HGF: variants seen among roughly 807,000 people sequenced by gnomAD.
HGF encodes hepatocyte growth factor, also known as fibroblast-derived tumor cytotoxic factor.
Under a neutral mutation model 111.6 loss-of-function variants are expected in HGF, and 39 were observed. The ratio of observed to expected loss-of-function variants is 0.35; its 90% CI spans 0.27 to 0.46. HGF has a LOEUF of 0.46. Among genes scored for constraint, HGF ranks in the 20% least tolerant of loss-of-function variants. The probability of loss-of-function intolerance (pLI) is 1.00; values close to 1 mark genes in which losing one functional copy is unlikely to be tolerated. For synonymous variants in HGF, 285 were observed against 294.8 expected, an observed-to-expected ratio of 0.97 and a Z score of 0.34; for missense variants, 735 against 910.5, an observed-to-expected ratio of 0.81 and a Z score of 2.48.
intron 11 of HGF, among the ~76,000 whole-genome samples, chr7:81,715,510 A>C (rs1227650243): frequency 6.6e-6 from 1 of 152,120 alleles, no homozygotes; most frequent in Non-Finnish European, 1.5e-5. Flanking sequence ...TAAAATGAAA[A>C]TAAACTTATT....
At chr7:81,733,694 A>G (rs941839457) in intron 7 of HGF, among the ~76,000 whole-genome samples, 7 of 152,156 alleles carry the variant, frequency 4.6e-5, no homozygotes, top group African/African-American at 1.7e-4. Flanking sequence ...ACGACAAGGT[A>G]ACTAAATAGT....
intron 11 of HGF, among the ~76,000 whole-genome samples, chr7:81,716,833 C>T (rs761928895): frequency 1.4e-4 from 22 of 152,144 alleles, no homozygotes; most frequent in Non-Finnish European, 2.2e-4. Flanking sequence ...GATCTGCTCA[C>T]GGCTTTTTAG....
At chr7:81,761,799 G>A (rs1789095428) in intron 2 of HGF, among the ~76,000 whole-genome samples, 1 of 151,470 alleles carries the variant, frequency 6.6e-6, no homozygotes, top group African/African-American at 2.4e-5. Flanking sequence ...GTGGAGTGGG[G>A]GTGGGGGTGG....
At chr7:81,753,622 T>C (rs1788609108) in intron 4 of HGF, among the ~76,000 whole-genome samples, 1 of 152,062 alleles carries the variant, frequency 6.6e-6, no homozygotes, top group Non-Finnish European at 1.5e-5. Flanking sequence ...GAGTGTATTC[T>C]AGAGTTAAGT....
intron 13 of HGF, among the ~76,000 whole-genome samples, chr7:81,708,875 C>T (rs77826101): frequency 0.057 from 8,618 of 152,034 alleles, 364 homozygotes; most frequent in East Asian, 0.19. Context: ...GTACTACACA[C>T]CTAGGACAGC....
intron 1 of HGF, among the ~76,000 whole-genome samples, chr7:81,763,306 A>C (rs1789193955): frequency 3.9e-5 from 6 of 152,050 alleles, no homozygotes; most frequent in Admixed American, 3.9e-4. Flanking sequence ...ACACAAAGAC[A>C]GGCGAGAAAC....
rs1316659496 is a variant in HGF, at chr7:81,747,941, C to CA, written c.626-2822dup. Among the ~76,000 whole-genome samples the CA allele has an allele frequency of 3.3e-5, 5 of 151,922 alleles. No individual in the cohort carries two copies. The South Asian group carries it at 1.0e-3, about 32-fold the overall frequency. ...ACAGAGCAAGACTCTGTCTAAAAAA[C>CA]AAAAAACAAAAAACAAAAACAAACA... On this transcript the variant is annotated intron_variant, in intron 5 of 17. Coordinates refer to ENST00000222390, the MANE Select transcript of HGF (RefSeq NM_000601.6).
intron 2 of HGF, 121 bp from the exon 3 acceptor site, chr7:81,758,925 C>T (rs1788925094): frequency 1.6e-6 from 1 of 617,540 alleles, no homozygotes; most frequent in Admixed American, 2.9e-5. Flanking sequence ...TGCATAATTA[C>T]ATATACATAA....
intron 17 of HGF, 58 bp from the exon 18 acceptor site, chr7:81,702,815 A>G: frequency 1.4e-6 from 2 of 1,380,322 alleles, no homozygotes; most frequent in Admixed American, 1.7e-5. Flanking sequence ...AAGCTCATTA[A>G]CATAATCATA....
chr7:81,725,877 T>C lies in HGF; in HGVS notation c.1168+13A>G. The C allele has an allele frequency of 6.2e-7, 1 of 1,614,080 alleles. No homozygotes were observed. ...ATTTAATCATGCCCACCCTGCAGAA[T>C]GTCAGCTATTACCTTGTCCATGTGA... On this transcript the variant is annotated intron_variant, in intron 9 of 17. Coordinates refer to ENST00000222390, the MANE Select transcript of HGF (RefSeq NM_000601.6).
At chr7:81,757,761 G>A (rs942271291) in intron 3 of HGF, among the ~76,000 whole-genome samples, 6 of 152,078 alleles carry the variant, frequency 3.9e-5, no homozygotes, top group Non-Finnish European at 7.4e-5. Flanking sequence ...GAGGTAGCTT[G>A]CTTATTAGTT....
At chr7:81,706,260 A>G in intron 15 of HGF, 27 bp downstream of exon 15, 1 of 1,609,510 alleles carries the variant, frequency 6.2e-7, no homozygotes, top group Non-Finnish European at 8.5e-7. Flanking sequence ...CCAGGTGAAA[A>G]ATACAAAATC....
In HGF at chr7:81,762,768, T is replaced by A. The variant is rs1478762320; in HGVS notation, c.193A>T (p.Asn65Tyr). 21 of 1,612,696 alleles carry A rather than the reference T, an allele frequency of 1.3e-5. No homozygotes were observed. The highest frequency in any genetic ancestry group is 1.8e-5 in the Non-Finnish European group (21 of 1,178,928). Reference sequence around the variant, plus strand: ...CTATTAGCACATTGGTCTGCAGTATTCACTTTTTTGGTTTTTATCTTCAGT... The same window carrying A: ...CTATTAGCACATTGGTCTGCAGTATACACTTTTTTGGTTTTTATCTTCAGT... ...PALKIKTKKVNTADQCANRCT... is the reference protein window; with the variant it reads ...PALKIKTKKVYTADQCANRCT... Residue 65 changes from asparagine to tyrosine, a missense_variant, in exon 2 of 18, where the codon AAT becomes TAT. Asn to Tyr is a moderately radical substitution (Grantham distance 143). This residue lies in a region of HGF where 553 missense variants were observed against 685.6 expected (regional missense o/e 0.81). Coordinates refer to ENST00000222390, the MANE Select transcript of HGF (RefSeq NM_000601.6).
At chr7:81,742,611 G>T in intron 7 of HGF, 1 of 794,694 alleles carries the variant, frequency 1.3e-6, no homozygotes, top group Admixed American at 4.4e-5. Flanking sequence ...ATGTAATATT[G>T]TTTAAGAGAA....
At position 81,701,436 on chromosome 7, in the gene HGF, G is replaced by C. The variant is rs1789276518; in HGVS notation, c.*1145C>G. On this transcript the variant is annotated 3_prime_UTR_variant, in exon 18 of 18. Transcript: ENST00000222390. ...CAATATATACTTTAATGCATGACTT[G>C]ATGAAGGGTATTTATAAAACTTTGG... 6.6e-6 allele frequency: 1 copy of C among 151,400 alleles called. No homozygotes were observed. Among genetic ancestry groups the C allele is most frequent in the East Asian group, 1.9e-4 (1 of 5,162 alleles). The allele number at this position is 151,400 out of a possible 1,614,324, so 9.4% of individuals were successfully genotyped here.
intron 13 of HGF, among the ~76,000 whole-genome samples, chr7:81,708,359 A>G (rs558304209): frequency 2.5e-4 from 38 of 152,194 alleles, no homozygotes; most frequent in Non-Finnish European, 4.3e-4. Flanking sequence ...TGCTTTTCCA[A>G]CAATGGAGAT....
rs12536657 is a variant in HGF at position 81,720,892 on chromosome 7, A to G, written c.1169-45T>C. On this transcript the variant is annotated intron_variant, in intron 9 of 17. Transcript: ENST00000222390. ...AAATAAGTCCAATGAATATCAAGGC[A>G]GATAAAACAAAAAGGTTTTTTACAA... The G allele has an allele frequency of 0.82, 814,153 of 993,120 alleles. 335,429 individuals carry two copies. Among genetic ancestry groups the G allele is most frequent in the African/African-American group, 0.96 (60,083 of 62,890 alleles). 61.5% of individuals were successfully genotyped at this position (993,120 alleles called of 1,614,324 possible).
chr7:81,718,212 G>A (rs1789763353), intron 10 of HGF, among the ~76,000 whole-genome samples: 1 of 152,048 alleles, frequency 6.6e-6, no homozygotes, highest in Admixed American at 6.6e-5. Flanking sequence ...TGGAAACTTG[G>A]ACTATATTTC....
At chr7:81,744,344 C>T (rs1469479171) in intron 6 of HGF, among the ~76,000 whole-genome samples, 2 of 148,676 alleles carry the variant, frequency 1.3e-5, no homozygotes, top group Non-Finnish European at 3.0e-5. Context: ...ATAATTTAAG[C>T]TCAAAACCTA....
Sources: gnomAD v4.1 joint callset for allele counts (sites outside exome capture counted in the v4.1 genomes callset) on GRCh38, gnomAD v4.1.1 for gene constraint, gnomAD v4.1.1 regional missense constraint, MANE v1.5 for transcripts, NCBI Gene and HGNC (gene_info 2026-07-23, HGNC 2026-07-21) for gene names.